The following SLC27A4 variants were observed in gnomAD, a reference collection of about 807,000 sequenced individuals.
SLC27A4 encodes the protein long-chain fatty acid transport protein 4.
SLC27A4 carries 33 observed loss-of-function variants against 64.4 expected under a neutral mutation model. The observed-to-expected ratio is 0.51, with a 90% confidence interval of 0.39 to 0.68. The LOEUF is 0.68. Among genes scored for constraint, SLC27A4 ranks in the 30% least tolerant of loss-of-function variants. SLC27A4 has a pLI of 0.00. For missense variants in SLC27A4, 824 were observed against 883.5 expected, an observed-to-expected ratio of 0.93 and a Z score of 0.85; for synonymous variants, 377 against 370.0, an observed-to-expected ratio of 1.02 and a Z score of -0.22.
Position 128,353,730 on chromosome 9 carries a change from C to G in SLC27A4, c.1324+189C>G, listed in dbSNP as rs1832773541. Among the ~76,000 whole-genome samples, 2 of 151,426 alleles carry G rather than the reference C, an allele frequency of 1.3e-5. No homozygotes were observed. Among genetic ancestry groups the G allele is most frequent in the Admixed American group, 1.3e-4 (2 of 15,222 alleles). On this transcript the variant is annotated intron_variant, in intron 9 of 12. Transcript: ENST00000300456. This position sits in a 1 kb window ranked among gnomAD's most constrained non-coding sequence, Gnocchi z 4.9. ...TTCGCCATTCTATCTGTACATCAGT[C>G]CATTCATTCATTCTTTTTTTTTTTT...
At chr9:128,358,901 G>A (rs1347986627) in intron 12 of SLC27A4, among the ~76,000 whole-genome samples, 1 of 152,240 alleles carries the variant, frequency 6.6e-6, no homozygotes. Context: ...AGGTAGAGGT[G>A]GAAGATGCAA....
Position 128,353,393 on chromosome 9 carries a change from GC to G in SLC27A4, c.1198-19del. The G allele has an allele frequency of 6.2e-7, 1 of 1,614,124 alleles. No homozygotes were observed. Among genetic ancestry groups the G allele is most frequent in the Admixed American group, 1.7e-5 (1 of 60,016 alleles). ...TTGGGCCCATGGTGAGAGAGCCCAG[GC>G]CCAAGTCTTGGCCTTCGCAGGTGGG... On this transcript the variant is annotated intron_variant, in intron 8 of 12. Transcript: ENST00000300456. The surrounding 1 kb of genome is among the most constrained non-coding windows in gnomAD (Gnocchi z 4.9).
intron 1 of SLC27A4, chr9:128,342,328 GAA>G: frequency 6.2e-7 from 1 of 1,612,114 alleles, no homozygotes; most frequent in Non-Finnish European, 8.5e-7. Flanking sequence ...GCCTTCCAAA[GAA>G]ACGATTGAAC....
chr9:128,355,620 G>A, intron 11 of SLC27A4, 30 bp from the exon 12 acceptor site: 1 of 1,607,772 alleles, frequency 6.2e-7, no homozygotes, highest in Non-Finnish European at 8.5e-7. Context: ...GGCACCACCA[G>A]CTACTCAGTG....
chr9:128,343,791 C>T lies in SLC27A4; in HGVS notation c.161+498C>T, dbSNP rs141538758. On this transcript the variant is annotated intron_variant, in intron 2 of 12. Transcript: ENST00000300456. Reference sequence around the variant, plus strand: ...ATCCTGTACCAGAAATATCTATTCCCGCTTGTTCTCTACTAGGTGCCAGGC... The same window carrying T: ...ATCCTGTACCAGAAATATCTATTCCTGCTTGTTCTCTACTAGGTGCCAGGC... Among the ~76,000 whole-genome samples the T allele has an allele frequency of 4.4e-3, 664 of 152,312 alleles. 2 individuals carry two copies. Among genetic ancestry groups the T allele is most frequent in the African/African-American group, 0.014 (601 of 41,574 alleles).
rs1384341363 is a variant in SLC27A4, at chr9:128,359,947, G to C, written c.1775-387G>C. On this transcript the variant is annotated intron_variant, in intron 12 of 12. Coordinates refer to ENST00000300456, the MANE Select transcript of SLC27A4 (RefSeq NM_005094.4). Reference sequence around the variant, plus strand: ...GAATACGGTTGAGCACCTGCCTTATGGGGCTGATGTACAGATGAAATAAGC... The same window carrying C: ...GAATACGGTTGAGCACCTGCCTTATCGGGCTGATGTACAGATGAAATAAGC... 2.0e-5 allele frequency among the ~76,000 whole-genome samples: 3 copies of C among 152,202 alleles called. No individual in the cohort carries two copies. The East Asian group carries it at 5.8e-4, about 29-fold the overall frequency.
chr9:128,342,247 G>A (rs777872433), intron 1 of SLC27A4: 89 of 1,610,818 alleles, frequency 5.5e-5, no homozygotes, highest in African/African-American at 5.2e-4. Context: ...TGACAAACCC[G>A]ATATGGCTGA....
intron 12 of SLC27A4, among the ~76,000 whole-genome samples, chr9:128,356,146 C>G (rs1264537676): frequency 6.6e-6 from 1 of 152,030 alleles, no homozygotes; most frequent in Non-Finnish European, 1.5e-5. Context: ...TAGAGTTAAA[C>G]AGATAAAAAG....
intron 12 of SLC27A4, among the ~76,000 whole-genome samples, chr9:128,357,624 G>A (rs1337955019): frequency 6.6e-6 from 1 of 152,188 alleles, no homozygotes; most frequent in Non-Finnish European, 1.5e-5. Flanking sequence ...CCACAAGGCA[G>A]CACCATCTTT....
chr9:128,359,646 A>G (rs1397021861), intron 12 of SLC27A4, among the ~76,000 whole-genome samples: 2 of 151,986 alleles, frequency 1.3e-5, no homozygotes, highest in African/African-American at 4.8e-5. Flanking sequence ...GAAAGAAAGA[A>G]TTACAAAACT....
At chr9:128,342,728 GT>G (rs1402919395) in intron 1 of SLC27A4, 3 of 325,804 alleles carry the variant, frequency 9.2e-6, no homozygotes, top group African/African-American at 2.2e-5. Context: ...GGAATGCACA[GT>G]TTTTTTAATA....
rs1403172757 is a variant in SLC27A4 at position 128,345,739 on chromosome 9, C to G, written c.556+190C>G. Among the ~76,000 whole-genome samples, 1 of 152,184 alleles carries G rather than the reference C, an allele frequency of 6.6e-6. No homozygotes were observed. The highest frequency in any genetic ancestry group is 1.5e-5 in the Non-Finnish European group (1 of 68,042). On this transcript the variant is annotated intron_variant, in intron 3 of 12. Coordinates refer to ENST00000300456, the MANE Select transcript of SLC27A4 (RefSeq NM_005094.4). This position sits in a 1 kb window ranked among gnomAD's most constrained non-coding sequence, Gnocchi z 4.1. ...GACTGATTTCTCTGAGCCTCAGTTT[C>G]CTCATCCGTCGTTCCTACCTCATAC... is the stretch of plus-strand genomic sequence containing the variant.
rs1487585319 is a variant in SLC27A4 at position 128,342,235 on chromosome 9, T to G, written c.-6-892T>G. On this transcript the variant is annotated intron_variant, in intron 1 of 12. Coordinates refer to ENST00000300456, the MANE Select transcript of SLC27A4 (RefSeq NM_005094.4). Reference sequence around the variant, plus strand: ...GCTCCGCTTTTCCTCCGCAACCATGTCTGACAAACCCGATATGGCTGAGAT... The same window carrying G: ...GCTCCGCTTTTCCTCCGCAACCATGGCTGACAAACCCGATATGGCTGAGAT... 3.1e-6 allele frequency: 5 copies of G among 1,610,356 alleles called. No homozygotes were observed. The South Asian group carries it at 3.3e-5, about 11-fold the overall frequency.
chr9:128,342,466 G>C (rs183558284), intron 1 of SLC27A4: 1 of 1,516,698 alleles, frequency 6.6e-7, no homozygotes. Context: ...AAAGAGGTTG[G>C]ATCAAGTTTA....
chr9:128,350,629 C>A, intron 6 of SLC27A4, 54 bp downstream of exon 6: 1 of 1,340,240 alleles, frequency 7.5e-7, no homozygotes, highest in Non-Finnish European at 1.1e-6. Context: ...TCTAGGAACC[C>A]CACCCCCATC....
chr9:128,355,011 A>C (rs973089942), intron 9 of SLC27A4, 42 bp from the exon 10 acceptor site: 124 of 1,530,788 alleles, frequency 8.1e-5, no homozygotes, highest in Non-Finnish European at 1.0e-4. Flanking sequence ...CGGGTGGGAG[A>C]GGCTGCCTAG....
chr9:128,344,749 GC>G (rs1437992809), intron 2 of SLC27A4, among the ~76,000 whole-genome samples: 1 of 152,132 alleles, frequency 6.6e-6, no homozygotes, highest in Non-Finnish European at 1.5e-5. Context: ...ACTGTGGGAG[GC>G]CCCAAACAAG....
rs767381674 is a variant in SLC27A4 at position 128,348,578 on chromosome 9, C to T, written c.590C>T (p.Ser197Leu). 11 of 1,613,286 alleles carry T rather than the reference C, an allele frequency of 6.8e-6. No homozygotes were observed. Among genetic ancestry groups the T allele is most frequent in the South Asian group, 1.1e-5 (1 of 91,086 alleles). ...GAGGTCCATGCCAGCCTGGACCCCT[C>T]GCTCAGCCTCTTCTGCTCTGGCTCC... ...ICEVHASLDP[S>L]LSLFCSGSWE... The change falls in exon 4 of 13, where the codon TCG (serine) becomes TTG (leucine). Residue 197 changes from serine (S) to leucine (L), a missense_variant. Coordinates refer to ENST00000300456, the MANE Select transcript of SLC27A4 (RefSeq NM_005094.4).
At position 128,348,537 on chromosome 9, in the gene SLC27A4, C is replaced by T. The variant is rs779233707; in HGVS notation, c.557-8C>T. 2.8e-5 allele frequency: 45 copies of T among 1,612,862 alleles called. No homozygotes were observed. Among genetic ancestry groups the T allele is most frequent in the Non-Finnish European group, 3.6e-5 (43 of 1,180,034 alleles). On this transcript the variant is annotated splice_region_variant and splice_polypyrimidine_tract_variant and intron_variant, in intron 3 of 12. Coordinates refer to ENST00000300456, the MANE Select transcript of SLC27A4 (RefSeq NM_005094.4). ...GGCCTGCCTGCTGACTGCCCTGTCT[C>T]CCCACAGCCATCTGTGAGGTCCATG...
Sources: gnomAD v4.1 joint callset for allele counts (sites outside exome capture counted in the v4.1 genomes callset) on GRCh38, gnomAD v4.1.1 for gene constraint, Gnocchi (gnomAD v3.1) non-coding constraint, MANE v1.5 for transcripts, NCBI Gene and HGNC (gene_info 2026-07-23, HGNC 2026-07-21) for gene names.